The following CHN1 variants were observed in gnomAD, a reference collection of about 807,000 sequenced individuals.
The protein encoded by CHN1 is N-chimaerin.
In CHN1, 37 loss-of-function variants were observed where a neutral mutation model predicts 59.5. The observed-to-expected ratio is 0.62, with a 90% CI of 0.48 to 0.82. The LOEUF (loss-of-function observed/expected upper bound fraction) is 0.82, where lower values mean the gene tolerates loss of function less well. Among genes scored for constraint, CHN1 ranks in the 40% least tolerant of loss-of-function variants. The pLI, the probability that CHN1 is intolerant of heterozygous loss-of-function variation, is 0.00. For missense variants in CHN1, 469 were observed against 571.0 expected, an observed-to-expected ratio of 0.82 and a Z score of 1.82; for synonymous variants, 206 against 200.4, an observed-to-expected ratio of 1.03 and a Z score of -0.24.
intron 1 of CHN1, among the ~76,000 whole-genome samples, chr2:174,982,148 T>C (rs1040060594): frequency 2.6e-5 from 4 of 152,226 alleles, no homozygotes; most frequent in Admixed American, 6.5e-5. Flanking sequence ...TATGACTGCA[T>C]AGTATTCCAT....
At chr2:174,838,752 T>G (rs1002668116) in intron 7 of CHN1, among the ~76,000 whole-genome samples, 1 of 152,072 alleles carries the variant, frequency 6.6e-6, no homozygotes. Flanking sequence ...CAGTGGTTCA[T>G]GCCTGTAATC....
chr2:174,930,769 T>A (rs1020716855), intron 3 of CHN1, among the ~76,000 whole-genome samples: 1 of 129,312 alleles, frequency 7.7e-6, no homozygotes, highest in Non-Finnish European at 1.8e-5. Context: ...CTATAGCTGA[T>A]TTTTTTTTTT....
chr2:174,851,483 T>C (rs1205761028), intron 6 of CHN1, among the ~76,000 whole-genome samples: 2 of 152,176 alleles, frequency 1.3e-5, no homozygotes, highest in South Asian at 2.1e-4. Context: ...AGTTTCTCCA[T>C]GTTGCCCAGG....
At chr2:174,862,730 G>C (rs1454186890) in intron 6 of CHN1, among the ~76,000 whole-genome samples, 1 of 152,102 alleles carries the variant, frequency 6.6e-6, no homozygotes, top group Non-Finnish European at 1.5e-5. Flanking sequence ...ATTAAATTTA[G>C]AGTTTTACAC....
intron 5 of CHN1, among the ~76,000 whole-genome samples, chr2:174,902,240 G>A (rs1688407225): frequency 6.6e-6 from 1 of 151,986 alleles, no homozygotes; most frequent in Non-Finnish European, 1.5e-5. Context: ...ACATTTTCAG[G>A]AACACATCAA....
chr2:174,983,454 A>G (rs1043795109), intron 1 of CHN1, among the ~76,000 whole-genome samples: 5 of 152,150 alleles, frequency 3.3e-5, no homozygotes, highest in African/African-American at 1.2e-4. Flanking sequence ...CACATACATG[A>G]AAACAGGGAT....
intron 1 of CHN1, among the ~76,000 whole-genome samples, chr2:174,960,714 C>T (rs1690369479): frequency 6.6e-6 from 1 of 151,914 alleles, no homozygotes; most frequent in Admixed American, 6.6e-5. Flanking sequence ...CCCAGCTACT[C>T]GGGAGGCTGA....
At chr2:174,861,604 G>C (rs935693927) in intron 6 of CHN1, among the ~76,000 whole-genome samples, 8 of 152,162 alleles carry the variant, frequency 5.3e-5, no homozygotes, top group African/African-American at 1.9e-4. Context: ...CAGGTCAGAG[G>C]TGCTAACAAG....
Position 174,863,246 on chromosome 2 carries a change from C to A in CHN1, c.549+14594G>T, listed in dbSNP as rs916740562. On this transcript the variant is annotated intron_variant, in intron 6 of 12. Transcript: ENST00000409900. The stretch of plus-strand genomic sequence containing the variant: ...CAATGCATGATGTTTCAAAATCATG[C>A]ACAGTTGAAAGATCCATTTGAAGTT... Among the ~76,000 whole-genome samples the A allele has an allele frequency of 2.0e-5, 3 of 152,202 alleles. No individual in the cohort carries two copies. In the East Asian group the frequency reaches 5.8e-4, roughly 29 times the overall value.
At chr2:174,988,035 A>G (rs1691405244) in intron 1 of CHN1, among the ~76,000 whole-genome samples, 1 of 152,046 alleles carries the variant, frequency 6.6e-6, no homozygotes, top group South Asian at 2.1e-4. Context: ...ACATAATGAG[A>G]CTTTCCAAGT....
chr2:174,921,412 G>T (rs184517893), intron 3 of CHN1, among the ~76,000 whole-genome samples: 93 of 152,188 alleles, frequency 6.1e-4, no homozygotes, highest in Middle Eastern at 3.4e-3. Flanking sequence ...TTGACTCCAT[G>T]TAAGAGTTTT....
intron 5 of CHN1, among the ~76,000 whole-genome samples, chr2:174,906,240 T>C (rs1041034338): frequency 2.0e-5 from 3 of 152,134 alleles, no homozygotes; most frequent in African/African-American, 7.2e-5. Context: ...CAAATGTCCA[T>C]CAACTACTGG....
intron 6 of CHN1, among the ~76,000 whole-genome samples, chr2:174,860,205 GT>G (rs1471742324): frequency 1.3e-5 from 2 of 152,072 alleles, no homozygotes; most frequent in African/African-American, 4.8e-5. Flanking sequence ...TAATTAAACT[GT>G]TTTTAGAAAT....
intron 7 of CHN1, among the ~76,000 whole-genome samples, chr2:174,843,651 A>T (rs1289543147): frequency 1.3e-5 from 2 of 151,948 alleles, no homozygotes; most frequent in Non-Finnish European, 2.9e-5. Flanking sequence ...CAGGAATAAG[A>T]GGATTCAGAT....
intron 6 of CHN1, among the ~76,000 whole-genome samples, chr2:174,877,494 C>A (rs1351101440): frequency 6.6e-6 from 1 of 151,930 alleles, no homozygotes; most frequent in South Asian, 2.1e-4. Flanking sequence ...ATAATGCAAC[C>A]CCCTCAATTA....
chr2:174,856,537 C>T (rs944267347), intron 6 of CHN1, among the ~76,000 whole-genome samples: 3 of 152,164 alleles, frequency 2.0e-5, no homozygotes, highest in Non-Finnish European at 4.4e-5. Flanking sequence ...ATAGCCCTTG[C>T]ATTCCTCTTT....
chr2:174,886,575 G>C (rs1033463201), intron 5 of CHN1, among the ~76,000 whole-genome samples: 2 of 152,084 alleles, frequency 1.3e-5, no homozygotes, highest in Non-Finnish European at 2.9e-5. Flanking sequence ...GACTCTGATT[G>C]GGATTATTGA....
At chr2:174,846,333 C>G in intron 7 of CHN1, 1 of 1,549,126 alleles carries the variant, frequency 6.5e-7, no homozygotes, top group Non-Finnish European at 8.7e-7. Context: ...AGCAAATACT[C>G]AAAAAGTGAG....
At chr2:174,938,559 A>C (rs1558989784) in intron 3 of CHN1, among the ~76,000 whole-genome samples, 1 of 152,174 alleles carries the variant, frequency 6.6e-6, no homozygotes. Context: ...CCTGGGAAAA[A>C]CAGAAAAACA....
Sources: allele counts gnomAD v4.1 joint callset (sites outside exome capture counted in the v4.1 genomes callset), GRCh38; gene constraint gnomAD v4.1.1; transcripts MANE v1.5; gene names NCBI Gene and HGNC (gene_info 2026-07-23, HGNC 2026-07-21).